Variants in PRMT9 observed in about 807,000 individuals in gnomAD.
The protein encoded by PRMT9 is protein arginine N-methyltransferase 9.
Under a neutral mutation model 83.2 loss-of-function variants are expected in PRMT9, and 59 were observed. The ratio of observed to expected loss-of-function variants is 0.71; its 90% confidence interval spans 0.57 to 0.88. PRMT9 has a LOEUF of 0.88. Among genes scored for constraint, PRMT9 ranks in the 40% least tolerant of loss-of-function variants. The pLI is 0.00. For missense variants in PRMT9, 947 were observed against 1,021.9 expected, an observed-to-expected ratio of 0.93 and a Z score of 1.00; for synonymous variants, 333 against 353.2, an observed-to-expected ratio of 0.94 and a Z score of 0.64.
chr4:147,675,803 A>T (rs550056225), intron 2 of PRMT9, among the ~76,000 whole-genome samples: 20 of 152,326 alleles, frequency 1.3e-4, no homozygotes, highest in Admixed American at 1.3e-3. Context: ...TATCTTCTTG[A>T]TTAGCAATTT....
chr4:147,642,947 A>C lies in PRMT9; in HGVS notation c.2046-7T>G. The stretch of plus-strand genomic sequence containing the variant: ...TCCAGATTGTAGTAAACACCTAAGA[A>C]AAAAAGTACATATTTTAAAAAGCTC... On this transcript the variant is annotated splice_polypyrimidine_tract_variant and splice_region_variant and intron_variant, in intron 9 of 11. Transcript: ENST00000322396. 6.2e-7 allele frequency: 1 copy of C among 1,613,694 alleles called. No homozygotes were observed. Among genetic ancestry groups the C allele is most frequent in the Non-Finnish European group, 8.5e-7 (1 of 1,179,642 alleles).
chr4:147,670,547 T>A, intron 5 of PRMT9, 94 bp downstream of exon 5: 1 of 936,384 alleles, frequency 1.1e-6, no homozygotes, highest in Non-Finnish European at 1.7e-6. Flanking sequence ...GGAAAATATA[T>A]TTCATATTGT....
Position 147,674,334 on chromosome 4 carries a change from G to A in PRMT9, c.339-460C>T, listed in dbSNP as rs115611896. ...CAGTTGTACTTGTTATTATAATTACGTATTTTAACTAAATATCATACTAAG... is the reference window on the plus strand; with the variant it reads ...CAGTTGTACTTGTTATTATAATTACATATTTTAACTAAATATCATACTAAG... On this transcript the variant is annotated intron_variant, in intron 2 of 11. Transcript: ENST00000322396. 6.4e-3 allele frequency among the ~76,000 whole-genome samples: 974 copies of A among 152,186 alleles called. 10 individuals carry two copies. The highest frequency in any genetic ancestry group is 0.022 in the African/African-American group (906 of 41,506).
chr4:147,680,700 C>G (rs1019156332), intron 1 of PRMT9, among the ~76,000 whole-genome samples: 1 of 152,312 alleles, frequency 6.6e-6, no homozygotes, highest in South Asian at 2.1e-4. Flanking sequence ...TCTCTAAACT[C>G]CCCCCACTCT....
rs763878477 is a variant in PRMT9 at position 147,638,538 on chromosome 4, C to T, written c.2532G>A (p.Lys844=). The change falls in exon 12 of 12, where the codon AAG becomes AAA. Residue 844 remains lysine (K), a synonymous_variant. Coordinates refer to ENST00000322396, the MANE Select transcript of PRMT9 (RefSeq NM_138364.4). ...HHKSNVSITV[K]Q is the part of the protein sequence containing the mutation. ...TTCATTGGAAAACTGCTCTTCATTG[C>T]TTTACTGTGATGCTGACATTGCTTT... 1 of 1,613,212 alleles carries T rather than the reference C, an allele frequency of 6.2e-7. No homozygotes were observed. Among genetic ancestry groups the T allele is most frequent in the East Asian group, 2.2e-5 (1 of 44,824 alleles).
intron 2 of PRMT9, among the ~76,000 whole-genome samples, chr4:147,677,689 T>A (rs998282468): frequency 6.6e-6 from 1 of 152,030 alleles, no homozygotes; most frequent in Non-Finnish European, 1.5e-5. Context: ...ACTCCTGACC[T>A]CAACTGATCT....
chr4:147,661,954 C>T (rs890680816), intron 6 of PRMT9, among the ~76,000 whole-genome samples: 2 of 152,064 alleles, frequency 1.3e-5, no homozygotes, highest in African/African-American at 2.4e-5. Flanking sequence ...AGTACCAATT[C>T]GAGCTGAGCA....
Position 147,638,432 on chromosome 4 carries a change from T to G in PRMT9, c.*100A>C. 1.2e-6 allele frequency: 1 copy of G among 825,588 alleles called. No individual in the cohort carries two copies. Among genetic ancestry groups the G allele is most frequent in the Non-Finnish European group, 2.1e-6 (1 of 485,818 alleles). 51.1% of individuals were successfully genotyped at this position (825,588 alleles called of 1,614,324 possible). On this transcript the variant is annotated 3_prime_UTR_variant, in exon 12 of 12. Transcript: ENST00000322396. ...ATTAATGTCAATTTTAAAAAATATT[T>G]GACCATTACAAGGAATTTTTATATA...
intron 2 of PRMT9, among the ~76,000 whole-genome samples, chr4:147,679,540 G>A (rs1736320295): frequency 6.6e-6 from 1 of 152,208 alleles, no homozygotes; most frequent in Admixed American, 6.5e-5. Flanking sequence ...TTGAGGTCAG[G>A]AGTTCGAGAC....
chr4:147,679,946 C>T (rs1409389192), intron 2 of PRMT9, among the ~76,000 whole-genome samples: 1 of 152,162 alleles, frequency 6.6e-6, no homozygotes. Context: ...ATGAGGCTTT[C>T]TCTGGCATCC....
Position 147,684,055 on chromosome 4 carries a change from C to T in PRMT9, c.-68G>A. ...ACGTAATTAGAAAACTCTCTCGATG[C>T]TACACTTCCAGGGACCAGACAACTG... On this transcript the variant is annotated 5_prime_UTR_variant, in exon 1 of 12. Transcript: ENST00000322396. The T allele has an allele frequency of 5.3e-6, 8 of 1,498,790 alleles. No individual in the cohort carries two copies. The highest frequency in any genetic ancestry group is 6.4e-6 in the Non-Finnish European group (7 of 1,096,010). The allele number at this position is 1,498,790 out of a possible 1,614,324, so 92.8% of individuals were successfully genotyped here.
At chr4:147,658,302 G>C (rs573613866) in intron 7 of PRMT9, among the ~76,000 whole-genome samples, 3 of 151,952 alleles carry the variant, frequency 2.0e-5, no homozygotes, top group African/African-American at 7.3e-5. Context: ...GGGGGATGGA[G>C]GGGGGTAGAG....
intron 4 of PRMT9, among the ~76,000 whole-genome samples, chr4:147,671,635 T>C (rs777221049): frequency 9.2e-5 from 14 of 152,226 alleles, no homozygotes; most frequent in Non-Finnish European, 1.9e-4. Flanking sequence ...GTATTTATGA[T>C]TGCATACACT....
intron 9 of PRMT9, among the ~76,000 whole-genome samples, chr4:147,650,005 A>T (rs1480499419): frequency 6.6e-6 from 1 of 152,228 alleles, no homozygotes; most frequent in African/African-American, 2.4e-5. Context: ...TCAACAAACT[A>T]GGAATAGAAG....
intron 9 of PRMT9, among the ~76,000 whole-genome samples, chr4:147,650,730 A>G (rs928403477): frequency 3.3e-5 from 5 of 152,240 alleles, no homozygotes; most frequent in African/African-American, 9.6e-5. Flanking sequence ...CTGACCTTAA[A>G]CAAACTACAA....
chr4:147,675,173 T>C (rs1336565236), intron 2 of PRMT9, among the ~76,000 whole-genome samples: 1 of 151,682 alleles, frequency 6.6e-6, no homozygotes, highest in Admixed American at 6.6e-5. Context: ...AGAGATGGGG[T>C]TTCTCCATGT....
intron 8 of PRMT9, 44 bp downstream of exon 8, chr4:147,657,745 TAGA>T (rs776561138): frequency 1.4e-6 from 2 of 1,457,542 alleles, no homozygotes; most frequent in African/African-American, 1.4e-5. Context: ...CTTGAATACT[TAGA>T]AGATTAAAGC....
intron 8 of PRMT9, among the ~76,000 whole-genome samples, chr4:147,656,790 A>AG (rs1332052408): frequency 6.7e-6 from 1 of 149,336 alleles, no homozygotes; most frequent in Non-Finnish European, 1.5e-5. Flanking sequence ...AAAAAAAAAA[A>AG]AAAAAGAAAG....
intron 5 of PRMT9, among the ~76,000 whole-genome samples, chr4:147,669,583 C>T (rs1056681460): frequency 2.0e-5 from 3 of 150,854 alleles, no homozygotes; most frequent in Non-Finnish European, 4.4e-5. Context: ...TGGCCAGGAG[C>T]GTTCGCTCAC....
Sources: allele counts gnomAD v4.1 joint callset (sites outside exome capture counted in the v4.1 genomes callset), GRCh38; gene constraint gnomAD v4.1.1; transcripts MANE v1.5; gene names NCBI Gene and HGNC (gene_info 2026-07-23, HGNC 2026-07-21).